Variants in PTPRJ observed in about 807,000 individuals in gnomAD.
PTPRJ encodes the protein receptor-type tyrosine-protein phosphatase eta.
A neutral mutation model predicts 141.3 loss-of-function variants in PTPRJ; 129 were observed. The ratio of observed to expected loss-of-function variants is 0.91; its 90% CI spans 0.79 to 1.06. The LOEUF is 1.06. Ranked by LOEUF, PTPRJ falls within the 50% of genes least tolerant of loss-of-function variation. The pLI is 0.00. For synonymous variants in PTPRJ, 610 were observed against 640.5 expected, an observed-to-expected ratio of 0.95 and a Z score of 0.72; for missense variants, 1,601 against 1,679.7, an observed-to-expected ratio of 0.95 and a Z score of 0.82.
At position 48,011,882 on chromosome 11, in the gene PTPRJ, G is replaced by A. The variant is rs556776988; in HGVS notation, c.96+30874G>A. Among the ~76,000 whole-genome samples the A allele has an allele frequency of 9.2e-5, 14 of 152,178 alleles. No homozygotes were observed. In the South Asian group the frequency reaches 2.1e-3, roughly 23 times the overall value. ...TCTTACCAGGTCGCCCAGGCTGATC[G>A]TGAACTCCTGGGCTCAGGTGATCCT... On this transcript the variant is annotated intron_variant, in intron 1 of 24. Transcript: ENST00000418331.
At chr11:47,998,295 T>A (rs1854396214) in intron 1 of PTPRJ, among the ~76,000 whole-genome samples, 1 of 152,158 alleles carries the variant, frequency 6.6e-6, no homozygotes, top group African/African-American at 2.4e-5. Flanking sequence ...CTACTGTATA[T>A]TTCAAAATAG....
At chr11:48,133,744 T>C (rs1056503417) in intron 8 of PTPRJ, among the ~76,000 whole-genome samples, 1 of 152,286 alleles carries the variant, frequency 6.6e-6, no homozygotes, top group Non-Finnish European at 1.5e-5. Context: ...TAAAATGTGG[T>C]TCATCCATAC....
At chr11:48,150,039 CTAT>C in intron 17 of PTPRJ, 41 bp downstream of exon 17, 2 of 1,532,862 alleles carry the variant, frequency 1.3e-6, no homozygotes, top group Non-Finnish European at 1.8e-6. Flanking sequence ...TTGTACTTTT[CTAT>C]TGAATATGGA....
intron 3 of PTPRJ, among the ~76,000 whole-genome samples, chr11:48,118,756 C>T (rs1007273073): frequency 6.6e-6 from 1 of 152,180 alleles, no homozygotes; most frequent in African/African-American, 2.4e-5. Context: ...ATATTGTTAA[C>T]TGTGCTTTCT....
chr11:48,137,034 T>A lies in PTPRJ; in HGVS notation c.1905T>A (p.Ser635Arg), dbSNP rs79602244. The A allele has an allele frequency of 1.6e-3, 2,532 of 1,606,132 alleles. 54 individuals carry two copies. The African/African-American group carries it at 0.03, about 19-fold the overall frequency. ...RPSNVSNIDV[S>R]TNTTAATLSW... ...GCAATGTGTCCAACATTGATGTAAG[T>A]ACCAACACCACAGCAGCAACTTTAA... Residue 635 changes from serine (S) to arginine (R), a missense_variant, in exon 10 of 25, where the codon AGT becomes AGA. Coordinates refer to ENST00000418331, the MANE Select transcript of PTPRJ (RefSeq NM_002843.4).
At chr11:48,030,131 G>GT (rs1209526902) in intron 1 of PTPRJ, among the ~76,000 whole-genome samples, 2 of 152,194 alleles carry the variant, frequency 1.3e-5, no homozygotes, top group Non-Finnish European at 2.9e-5. Context: ...CTGGACAGAT[G>GT]TTTTGTCTTT....
chr11:48,168,023 A>G lies in PTPRJ; in HGVS notation c.*661A>G, dbSNP rs1446111737. 1 of 152,078 alleles carries G rather than the reference A, an allele frequency of 6.6e-6. No individual in the cohort carries two copies. The highest frequency in any genetic ancestry group is 1.9e-4 in the East Asian group (1 of 5,160). 9.4% of individuals were successfully genotyped at this position (152,078 alleles called of 1,614,324 possible). ...CTTCCTCAGTAACATTTCTGTTCTCATTTGATCAGGGGAGGCCTCTTTGCC... is the reference window on the plus strand; with the variant it reads ...CTTCCTCAGTAACATTTCTGTTCTCGTTTGATCAGGGGAGGCCTCTTTGCC... On this transcript the variant is annotated 3_prime_UTR_variant, in exon 25 of 25. Transcript: ENST00000418331.
chr11:47,988,076 A>G (rs1264425889), intron 1 of PTPRJ, among the ~76,000 whole-genome samples: 1 of 152,054 alleles, frequency 6.6e-6, no homozygotes, highest in Non-Finnish European at 1.5e-5. Flanking sequence ...GTTGGGTGAT[A>G]TTTTTCTGGG....
rs1474361660 is a variant in PTPRJ at position 48,127,813 on chromosome 11, A to G, written c.1127A>G (p.Asn376Ser). The change falls in exon 7 of 25, where the codon AAC becomes AGC. Residue 376 changes from asparagine (N) to serine (S), a missense_variant. Asn to Ser is a conservative substitution (Grantham distance 46, BLOSUM62 1). Transcript: ENST00000418331. ...CAGGTTTTTGACGTCACCGCTGTGA[A>G]CATCAGTGCCACAAGCCTGACCCTG... ...AIQVFDVTAVNISATSLTLIW... is the reference protein window; with the variant it reads ...AIQVFDVTAVSISATSLTLIW... 3 of 1,614,096 alleles carry G rather than the reference A, an allele frequency of 1.9e-6. No individual in the cohort carries two copies. The highest frequency in any genetic ancestry group is 1.7e-5 in the Admixed American group (1 of 60,008).
intron 1 of PTPRJ, among the ~76,000 whole-genome samples, chr11:47,988,654 T>G (rs752350403): frequency 7.9e-5 from 12 of 152,176 alleles, no homozygotes; most frequent in Non-Finnish European, 1.8e-4. Context: ...TCTTGTAACC[T>G]TCACAAGTTT....
intron 1 of PTPRJ, among the ~76,000 whole-genome samples, chr11:48,092,714 A>G (rs1020085715): frequency 6.6e-6 from 1 of 152,164 alleles, no homozygotes; most frequent in Non-Finnish European, 1.5e-5. Flanking sequence ...ACAGGCGTGA[A>G]CTACTGCGCC....
At chr11:48,139,385 C>T in intron 10 of PTPRJ, 101 bp from the exon 11 acceptor site, 14 of 1,294,870 alleles carry the variant, frequency 1.1e-5, no homozygotes, top group Non-Finnish European at 1.5e-5. Flanking sequence ...CACCACATCA[C>T]CCACCCACCT....
At chr11:48,163,382 G>A in intron 22 of PTPRJ, 76 bp from the exon 23 acceptor site, 1 of 1,442,970 alleles carries the variant, frequency 6.9e-7, no homozygotes, top group Non-Finnish European at 9.7e-7. Flanking sequence ...CTCAGGCTCT[G>A]CTTGATTTCC....
intron 1 of PTPRJ, among the ~76,000 whole-genome samples, chr11:48,092,034 G>A (rs1288052912): frequency 6.6e-6 from 1 of 152,118 alleles, no homozygotes; most frequent in Admixed American, 6.5e-5. Flanking sequence ...GGTGGCTCAT[G>A]CCTGTAATCC....
chr11:47,989,645 G>T (rs1327693741), intron 1 of PTPRJ, among the ~76,000 whole-genome samples: 3 of 151,866 alleles, frequency 2.0e-5, no homozygotes, highest in Non-Finnish European at 4.4e-5. Context: ...TAGATAGATA[G>T]ATATAGATAT....
At chr11:48,004,742 C>A (rs951628860) in intron 1 of PTPRJ, among the ~76,000 whole-genome samples, 4 of 152,028 alleles carry the variant, frequency 2.6e-5, no homozygotes, top group African/African-American at 9.7e-5. Flanking sequence ...TAGGCTGGGG[C>A]TGGACTTGGA....
intron 1 of PTPRJ, among the ~76,000 whole-genome samples, chr11:48,001,733 C>T (rs1193217153): frequency 6.6e-6 from 1 of 152,122 alleles, no homozygotes; most frequent in Non-Finnish European, 1.5e-5. Context: ...AGCTAAGCAA[C>T]CAGCCTGAGG....
At chr11:47,988,096 C>CA (rs1854096075) in intron 1 of PTPRJ, among the ~76,000 whole-genome samples, 1 of 152,192 alleles carries the variant, frequency 6.6e-6, no homozygotes, top group African/African-American at 2.4e-5. Context: ...GAGCCTGTGC[C>CA]AGGGCGTAGC....
chr11:48,163,881 A>G (rs1857846850), intron 23 of PTPRJ, among the ~76,000 whole-genome samples: 1 of 152,162 alleles, frequency 6.6e-6, no homozygotes, highest in South Asian at 2.1e-4. Flanking sequence ...ATTTATTTAT[A>G]TATTGTTTAT....
Sources: gnomAD v4.1 joint callset for allele counts (sites outside exome capture counted in the v4.1 genomes callset) on GRCh38, gnomAD v4.1.1 for gene constraint, MANE v1.5 for transcripts, NCBI Gene and HGNC (gene_info 2026-07-23, HGNC 2026-07-21) for gene names.